Variants in PPM1B observed in about 807,000 individuals in gnomAD.
PPM1B encodes the protein protein phosphatase, Mg2+/Mn2+ dependent 1B.
Under a neutral mutation model 43.0 loss-of-function variants are expected in PPM1B, and 22 were observed. The ratio of observed to expected loss-of-function variants is 0.51; its 90% CI spans 0.37 to 0.73. The LOEUF is 0.73. Among genes scored for constraint, PPM1B ranks in the 30% least tolerant of loss-of-function variants. The probability of loss-of-function intolerance (pLI) is 0.00; values close to 1 mark genes in which losing one functional copy is unlikely to be tolerated. For synonymous variants in PPM1B, 217 were observed against 197.9 expected (o/e 1.10, Z -0.81); for missense variants, 632 against 584.2 (o/e 1.08, Z -0.84).
chr2:44,213,796 T>C (rs1669594122), intron 3 of PPM1B: 1 of 152,202 alleles, frequency 6.6e-6, no homozygotes, highest in Admixed American at 6.5e-5. Flanking sequence ...TGCGGTCATA[T>C]TCCTATTGAT....
At chr2:44,198,962 G>C (rs1668790954) in intron 1 of PPM1B, among the ~76,000 whole-genome samples, 1 of 152,054 alleles carries the variant, frequency 6.6e-6, no homozygotes, top group Admixed American at 6.6e-5. Context: ...ATGGCTACTA[G>C]GAAGAAATGG....
intron 3 of PPM1B, among the ~76,000 whole-genome samples, chr2:44,210,995 G>A (rs1307381992): frequency 6.6e-6 from 1 of 152,060 alleles, no homozygotes; most frequent in Non-Finnish European, 1.5e-5. Context: ...AATTAGTCGG[G>A]CGTGGTGGCA....
At chr2:44,195,436 C>T (rs994873646) in intron 1 of PPM1B, among the ~76,000 whole-genome samples, 4 of 151,962 alleles carry the variant, frequency 2.6e-5, no homozygotes, top group Admixed American at 6.6e-5. Flanking sequence ...GTCTTGAACT[C>T]CTGGCCTCCA....
intron 1 of PPM1B, among the ~76,000 whole-genome samples, chr2:44,192,095 G>C: frequency 7.4e-6 from 1 of 135,732 alleles, no homozygotes; most frequent in Non-Finnish European, 1.6e-5. Flanking sequence ...TTTTACTTTT[G>C]ATTTTTTTTT....
downstream of PPM1B, among the ~76,000 whole-genome samples, chr2:44,236,435 T>C (rs185154048): frequency 5.9e-4 from 52 of 88,486 alleles, no homozygotes; most frequent in Middle Eastern, 6.3e-3. Flanking sequence ...AAAGTTGTAA[T>C]GAACTGGTCT....
chr2:44,175,692 A>G (rs543404787), intron 1 of PPM1B, among the ~76,000 whole-genome samples: 8 of 152,294 alleles, frequency 5.3e-5, no homozygotes, highest in African/African-American at 1.7e-4. Flanking sequence ...TAACAAAAGG[A>G]AAGGAAGAGG....
intron 3 of PPM1B, among the ~76,000 whole-genome samples, chr2:44,213,017 A>G (rs1375592881): frequency 6.7e-6 from 1 of 148,714 alleles, no homozygotes; most frequent in Non-Finnish European, 1.5e-5. Context: ...CGTTTCCAAA[A>G]AAAAAAAAAA....
intron 1 of PPM1B, among the ~76,000 whole-genome samples, chr2:44,193,705 A>G (rs1668518792): frequency 6.8e-6 from 1 of 146,630 alleles, no homozygotes; most frequent in Admixed American, 7.1e-5. Flanking sequence ...TCAGCCCCCC[A>G]GTAGCTGGGA....
intron 3 of PPM1B, among the ~76,000 whole-genome samples, chr2:44,216,051 A>G (rs935378201): frequency 1.3e-5 from 2 of 152,164 alleles, no homozygotes; most frequent in Non-Finnish European, 2.9e-5. Flanking sequence ...TCATGTGAGG[A>G]CTTTGGACTT....
intron 1 of PPM1B, among the ~76,000 whole-genome samples, chr2:44,188,297 G>A (rs1668224082): frequency 6.6e-6 from 1 of 151,614 alleles, no homozygotes; most frequent in South Asian, 2.1e-4. Context: ...TCTGATTTCT[G>A]ATTTAAAAGA....
At chr2:44,195,899 T>A (rs893371458) in intron 1 of PPM1B, among the ~76,000 whole-genome samples, 1 of 152,122 alleles carries the variant, frequency 6.6e-6, no homozygotes, top group African/African-American at 2.4e-5. Context: ...ATCCTCAAAC[T>A]GGAGAGGCCA....
At chr2:44,246,433 T>A (rs1670854710), downstream of PPM1B, among the ~76,000 whole-genome samples, 1 of 152,160 alleles carries the variant, frequency 6.6e-6, no homozygotes, top group Non-Finnish European at 1.5e-5. Flanking sequence ...TCTTCTTCTT[T>A]CCAGTAACTC....
chr2:44,178,481 T>A (rs1215097822), intron 1 of PPM1B, among the ~76,000 whole-genome samples: 1 of 148,390 alleles, frequency 6.7e-6, no homozygotes, highest in Non-Finnish European at 1.5e-5. Context: ...TATATTTTTT[T>A]TTTTAGACAG....
At chr2:44,211,740 GT>G (rs1191231286) in intron 3 of PPM1B, among the ~76,000 whole-genome samples, 2 of 110,650 alleles carry the variant, frequency 1.8e-5, no homozygotes, top group African/African-American at 7.0e-5. Flanking sequence ...TTCTGATTCT[GT>G]CTTTTTTTTT....
intron 5 of PPM1B, among the ~76,000 whole-genome samples, chr2:44,223,230 A>G (rs1046503319): frequency 6.6e-6 from 1 of 152,190 alleles, no homozygotes; most frequent in Non-Finnish European, 1.5e-5. Flanking sequence ...TTAAATACAC[A>G]TATTTATCTT....
At chr2:44,193,056 A>G (rs1343066619) in intron 1 of PPM1B, among the ~76,000 whole-genome samples, 2 of 152,108 alleles carry the variant, frequency 1.3e-5, no homozygotes, top group Non-Finnish European at 2.9e-5. Context: ...TCTTCCACAT[A>G]CTGAATTCAG....
At chr2:44,191,981 C>T (rs1193648612) in intron 1 of PPM1B, among the ~76,000 whole-genome samples, 1 of 151,864 alleles carries the variant, frequency 6.6e-6, no homozygotes, top group Non-Finnish European at 1.5e-5. Flanking sequence ...CTTGTTCTTT[C>T]TCTAATAGCT....
chr2:44,202,780 G>A (rs2104137130), intron 2 of PPM1B, among the ~76,000 whole-genome samples: 2 of 152,208 alleles, frequency 1.3e-5, no homozygotes, highest in Admixed American at 1.3e-4. Flanking sequence ...ATCATTGCTT[G>A]ATACAGTAAT....
chr2:44,229,896 AAAGT>A, intron 5 of PPM1B: 3 of 1,169,418 alleles, frequency 2.6e-6, no homozygotes. Context: ...ATAAGAGCAA[AAAGT>A]AAATACAATT....
Sources: allele counts gnomAD v4.1 joint callset (sites outside exome capture counted in the v4.1 genomes callset), GRCh38; gene constraint gnomAD v4.1.1; transcripts MANE v1.5; gene names NCBI Gene and HGNC (gene_info 2026-07-23, HGNC 2026-07-21).